Variants in STIM1 observed in about 807,000 individuals in gnomAD.
STIM1 encodes the protein stromal interaction molecule 1.
A neutral mutation model predicts 74.7 loss-of-function variants in STIM1; 25 were observed. The ratio of observed to expected loss-of-function variants is 0.33; its 90% CI spans 0.24 to 0.47. The LOEUF (loss-of-function observed/expected upper bound fraction) is 0.47. Among genes scored for constraint, STIM1 ranks in the 20% least tolerant of loss-of-function variants. The probability of loss-of-function intolerance (pLI) is 1.00; values close to 1 mark genes in which losing one functional copy is unlikely to be tolerated. For synonymous variants in STIM1, 328 were observed against 348.8 expected (o/e 0.94, Z 0.66); for missense variants, 728 against 920.8 (o/e 0.79, Z 2.71).
At chr11:4,026,226 G>T (rs563124154) in intron 3 of STIM1, among the ~76,000 whole-genome samples, 4 of 152,194 alleles carry the variant, frequency 2.6e-5, no homozygotes, top group African/African-American at 9.6e-5. Flanking sequence ...GATTAGCATT[G>T]TTAACATTTT....
intron 2 of STIM1, among the ~76,000 whole-genome samples, chr11:3,972,398 C>G (rs555314962): frequency 1.2e-3 from 188 of 152,296 alleles, no homozygotes; most frequent in South Asian, 0.011. Context: ...TATATACATT[C>G]TTATGATTGC....
In STIM1 at chr11:4,055,507, T is replaced by C. The variant is rs767039902; in HGVS notation, c.386-19T>C. 1.3e-6 allele frequency: 2 copies of C among 1,559,606 alleles called. No homozygotes were observed. The stretch of plus-strand genomic sequence containing the variant: ...GCTTGGCATTCTAGAGTCATGGCTT[T>C]GCTTGTCTCTTTTCACAGTATACAA... On this transcript the variant is annotated intron_variant, in intron 3 of 12. Coordinates refer to ENST00000526596, the MANE Select transcript of STIM1 (RefSeq NM_001382567.1).
intron 2 of STIM1, among the ~76,000 whole-genome samples, chr11:3,997,844 G>C (rs1458654053): frequency 1.3e-5 from 2 of 152,186 alleles, no homozygotes; most frequent in Non-Finnish European, 2.9e-5. Context: ...TGGAGTTAAA[G>C]CTTTAAAAGC....
chr11:3,980,517 C>T (rs2093491781), intron 2 of STIM1, among the ~76,000 whole-genome samples: 1 of 151,488 alleles, frequency 6.6e-6, no homozygotes, highest in Non-Finnish European at 1.5e-5. Context: ...GTGGTTCATG[C>T]CTATAATCTC....
At chr11:3,992,089 G>GTTTTTTTTTTTTTTT (rs75377604) in intron 2 of STIM1, among the ~76,000 whole-genome samples, 10 of 95,404 alleles carry the variant, frequency 1.0e-4, no homozygotes, top group Admixed American at 1.3e-4. Flanking sequence ...CTGTTTTTTT[G>GTTTTTTTTTTTTTTT]TTTTTTTTTT....
Position 4,091,733 on chromosome 11 carries a change from A to G in STIM1, c.2086A>G (p.Thr696Ala), listed in dbSNP as rs751078011. 2.5e-6 allele frequency: 4 copies of G among 1,613,696 alleles called. No homozygotes were observed. Among genetic ancestry groups the G allele is most frequent in the South Asian group, 1.1e-5 (1 of 91,086 alleles). ...GGATAATGGCTCTATTGGCGAGGAAACAGACTCCAGCCCAGGCCGGAAGAA... is the reference window on the plus strand; with the variant it reads ...GGATAATGGCTCTATTGGCGAGGAAGCAGACTCCAGCCCAGGCCGGAAGAA... The part of the protein sequence containing the change: ...EEDNGSIGEE[T>A]DSSPGRKKFP... The change falls in exon 13 of 13, where the codon ACA becomes GCA. Residue 696 changes from threonine (T) to alanine (A), a missense_variant. Thr to Ala is a moderately conservative substitution (Grantham distance 58). Coordinates refer to ENST00000526596, the MANE Select transcript of STIM1 (RefSeq NM_001382567.1).
intron 1 of STIM1, among the ~76,000 whole-genome samples, chr11:3,954,429 G>A (rs369336340): frequency 6.6e-6 from 1 of 152,166 alleles, no homozygotes; most frequent in South Asian, 2.1e-4. Flanking sequence ...CCAGGATTCA[G>A]CCATGAGCAA....
chr11:4,023,391 C>T (rs976189517), intron 2 of STIM1, among the ~76,000 whole-genome samples: 1 of 152,108 alleles, frequency 6.6e-6, no homozygotes, highest in African/African-American at 2.4e-5. Flanking sequence ...CTGTCTAAAC[C>T]TAATGTAATT....
At chr11:3,868,707 C>T (rs1172447888) in intron 1 of STIM1, among the ~76,000 whole-genome samples, 3 of 152,152 alleles carry the variant, frequency 2.0e-5, no homozygotes, top group Non-Finnish European at 4.4e-5. Flanking sequence ...TAGGTAGTAC[C>T]TAGCTACAGA....
chr11:3,960,911 A>G (rs891875588), intron 1 of STIM1, among the ~76,000 whole-genome samples: 3 of 152,184 alleles, frequency 2.0e-5, no homozygotes, highest in Admixed American at 2.0e-4. Flanking sequence ...TATTATTTAC[A>G]TTAATATGTA....
Position 4,058,896 on chromosome 11 carries a change from A to T in STIM1, c.498-385A>T, listed in dbSNP as rs977913038. 14 of 1,089,902 alleles carry T rather than the reference A, an allele frequency of 1.3e-5. No homozygotes were observed. In the African/African-American group the frequency reaches 1.8e-4, roughly 14 times the overall value. The allele number at this position is 1,089,902 out of a possible 1,614,324, so 67.5% of individuals were successfully genotyped here. On this transcript the variant is annotated intron_variant, in intron 4 of 12. Coordinates refer to ENST00000526596, the MANE Select transcript of STIM1 (RefSeq NM_001382567.1). ...TCCCAGAATCACTGGGTCATATGAC[A>T]TGACAGTTTGACCTGGGCTGCACAG...
chr11:3,931,049 T>C (rs1000422943), intron 1 of STIM1, among the ~76,000 whole-genome samples: 15 of 152,106 alleles, frequency 9.9e-5, no homozygotes, highest in Admixed American at 2.6e-4. Flanking sequence ...AACAAAATAA[T>C]CATAATGAAG....
intron 3 of STIM1, among the ~76,000 whole-genome samples, chr11:4,035,851 CTT>C (rs35310625): frequency 1.3e-3 from 166 of 123,250 alleles, no homozygotes; most frequent in African/African-American, 2.8e-3. Context: ...TGTTGTTTTG[CTT>C]TTTTTTTTTT....
At chr11:4,038,736 G>A (rs760950623) in intron 3 of STIM1, among the ~76,000 whole-genome samples, 1 of 152,150 alleles carries the variant, frequency 6.6e-6, no homozygotes, top group Non-Finnish European at 1.5e-5. Context: ...TGCTTGGGCC[G>A]TTGTTCTTCA....
intron 4 of STIM1, among the ~76,000 whole-genome samples, chr11:4,057,836 C>G (rs1020110875): frequency 6.7e-6 from 1 of 149,930 alleles, no homozygotes; most frequent in Non-Finnish European, 1.5e-5. Flanking sequence ...CGCCACTGCA[C>G]TCCAGCCTAA....
intron 1 of STIM1, among the ~76,000 whole-genome samples, chr11:3,874,723 C>G (rs1441620081): frequency 6.6e-6 from 1 of 152,230 alleles, no homozygotes; most frequent in Non-Finnish European, 1.5e-5. Context: ...AGGCATGAAT[C>G]TACCTCCCTC....
intron 2 of STIM1, among the ~76,000 whole-genome samples, chr11:4,009,394 C>G (rs1590644353): frequency 6.6e-6 from 1 of 151,994 alleles, no homozygotes; most frequent in East Asian, 1.9e-4. Context: ...AGGCAGATCA[C>G]TTGAGATCAG....
At chr11:4,005,745 G>C (rs1345104305) in intron 2 of STIM1, among the ~76,000 whole-genome samples, 1 of 151,878 alleles carries the variant, frequency 6.6e-6, no homozygotes, top group Non-Finnish European at 1.5e-5. Context: ...TAATAAAAAA[G>C]ATTATTCTAG....
intron 1 of STIM1, among the ~76,000 whole-genome samples, chr11:3,948,509 C>T (rs2093106807): frequency 6.6e-6 from 1 of 152,046 alleles, no homozygotes; most frequent in Admixed American, 6.5e-5. Flanking sequence ...CCGTATTTTA[C>T]AGATGAAAAA....
Sources: gnomAD v4.1 joint callset for allele counts (sites outside exome capture counted in the v4.1 genomes callset) on GRCh38, gnomAD v4.1.1 for gene constraint, MANE v1.5 for transcripts, NCBI Gene and HGNC (gene_info 2026-07-23, HGNC 2026-07-21) for gene names.